PCDH15: variants seen among roughly 807,000 people sequenced by gnomAD.
PCDH15 encodes the protein protocadherin-15.
A neutral mutation model predicts 178.5 loss-of-function variants in PCDH15; 129 were observed. The observed-to-expected ratio is 0.72, with a 90% confidence interval of 0.63 to 0.84. PCDH15 has a LOEUF of 0.84. Among genes scored for constraint, PCDH15 ranks in the 40% least tolerant of loss-of-function variants. The probability of loss-of-function intolerance (pLI) is 0.00; values close to 1 mark genes in which losing one functional copy is unlikely to be tolerated. For missense variants in PCDH15, 2,230 were observed against 2,099.9 expected (o/e 1.06, Z -1.21); for synonymous variants, 800 against 732.0 (o/e 1.09, Z -1.50).
chr10:54,629,028 C>T (rs1020526855), intron 2 of PCDH15, among the ~76,000 whole-genome samples: 5 of 151,980 alleles, frequency 3.3e-5, no homozygotes, highest in Admixed American at 1.3e-4. Flanking sequence ...TCCTAGAAAG[C>T]TTATGACAAA....
At chr10:54,277,618 C>A (rs1422653360) in intron 8 of PCDH15, among the ~76,000 whole-genome samples, 3 of 151,582 alleles carry the variant, frequency 2.0e-5, no homozygotes, top group Admixed American at 6.6e-5. Context: ...ACCCGAAATT[C>A]AAATTTAACT....
chr10:54,195,637 A>G, intron 11 of PCDH15, 46 bp downstream of exon 11: 1 of 1,477,454 alleles, frequency 6.8e-7, no homozygotes, highest in East Asian at 2.3e-5. Flanking sequence ...TAATGGAAAT[A>G]TGAGATTTGT....
chr10:54,430,320 GT>G lies in PCDH15; in HGVS notation c.158-51379del, dbSNP rs200534644. On this transcript the variant is annotated intron_variant, in intron 3 of 37. Transcript: ENST00000644397. ...TCCGCCAGCCTCAGCCTACCAAAGTGTTTGGATTACAGGCGTGAGCCACCAC... is the reference window on the plus strand; with the variant it reads ...TCCGCCAGCCTCAGCCTACCAAAGTGTTGGATTACAGGCGTGAGCCACCAC... 4.9e-3 allele frequency among the ~76,000 whole-genome samples: 740 copies of G among 152,078 alleles called. 8 individuals are homozygous for G. Among genetic ancestry groups the G allele is most frequent in the African/African-American group, 0.017 (687 of 41,494 alleles).
intron 2 of PCDH15, among the ~76,000 whole-genome samples, chr10:54,573,882 T>C (rs2090146802): frequency 6.6e-6 from 1 of 152,142 alleles, no homozygotes; most frequent in Admixed American, 6.6e-5. Context: ...AATCCTTTAT[T>C]TAAAAAAAAT....
At chr10:54,143,878 T>A (rs900020978) in intron 14 of PCDH15, among the ~76,000 whole-genome samples, 1 of 152,140 alleles carries the variant, frequency 6.6e-6, no homozygotes, top group African/African-American at 2.4e-5. Context: ...TTTTCTTGTA[T>A]AATGGGACAC....
At chr10:55,619,700 C>T (rs1383736285) in intron 2 of PCDH15, among the ~76,000 whole-genome samples, 3 of 151,730 alleles carry the variant, frequency 2.0e-5, no homozygotes, top group Admixed American at 2.0e-4. Context: ...TAGCTTGTAG[C>T]TATTTTGAGC....
intron 8 of PCDH15, among the ~76,000 whole-genome samples, chr10:54,280,066 CT>C (rs1382971695): frequency 6.6e-6 from 1 of 151,628 alleles, no homozygotes; most frequent in Non-Finnish European, 1.5e-5. Flanking sequence ...TGGGTTCAAA[CT>C]TTTTATTCCC....
intron 2 of PCDH15, among the ~76,000 whole-genome samples, chr10:54,897,893 A>T (rs1401032150): frequency 6.6e-6 from 1 of 152,174 alleles, no homozygotes; most frequent in African/African-American, 2.4e-5. Context: ...AATATAACTG[A>T]ATATATTTGA....
intron 1 of PCDH15, among the ~76,000 whole-genome samples, chr10:55,184,719 G>A (rs1037284464): frequency 6.6e-6 from 1 of 151,900 alleles, no homozygotes; most frequent in Non-Finnish European, 1.5e-5. Flanking sequence ...CATTTGGGAA[G>A]CATGATATTT....
intron 26 of PCDH15, among the ~76,000 whole-genome samples, chr10:53,878,419 G>T (rs994464077): frequency 6.9e-4 from 63 of 91,236 alleles, no homozygotes; most frequent in African/African-American, 1.9e-3. Context: ...GTACACACAC[G>T]TTGAATATAT....
intron 25 of PCDH15, among the ~76,000 whole-genome samples, chr10:53,927,348 T>C (rs2084654116): frequency 1.3e-5 from 2 of 152,314 alleles, no homozygotes; most frequent in Non-Finnish European, 2.9e-5. Flanking sequence ...CTAAATTCCA[T>C]TGTTTGCCCA....
At chr10:53,808,320 G>GTA (rs1491552756) in intron 37 of PCDH15, 1 of 112,460 alleles carries the variant, frequency 8.9e-6, no homozygotes, top group African/African-American at 3.5e-5. Flanking sequence ...AACATATATA[G>GTA]TGTGTGTGTG....
Position 54,767,780 on chromosome 10 carries a change from T to C in PCDH15, c.-29+33145A>G, listed in dbSNP as rs187879435. 4.7e-4 allele frequency among the ~76,000 whole-genome samples: 71 copies of C among 152,266 alleles called. No individual in the cohort carries two copies. In the East Asian group the frequency reaches 9.1e-3, roughly 19 times the overall value. ...TGTATTCTACAATATCTGACTAGCATGCCTCAATACTGTCAAGGTCATCAA... is the reference window on the plus strand; with the variant it reads ...TGTATTCTACAATATCTGACTAGCACGCCTCAATACTGTCAAGGTCATCAA... On this transcript the variant is annotated intron_variant, in intron 1 of 37. Transcript: ENST00000644397.
At chr10:55,489,345 C>T (rs990143491) in intron 2 of PCDH15, among the ~76,000 whole-genome samples, 4 of 151,504 alleles carry the variant, frequency 2.6e-5, no homozygotes, top group African/African-American at 9.7e-5. Flanking sequence ...AGAAAATTAC[C>T]TCTGTCTTAA....
chr10:54,219,268 T>C (rs370662860), intron 9 of PCDH15, among the ~76,000 whole-genome samples: 1,085 of 105,662 alleles, frequency 0.01, 19 homozygotes, highest in African/African-American at 0.035. Context: ...GAGCGAGACT[T>C]TGTCTCAAAA....
chr10:54,344,234 G>T (rs1185781451), intron 6 of PCDH15, among the ~76,000 whole-genome samples: 2 of 152,074 alleles, frequency 1.3e-5, no homozygotes, highest in African/African-American at 4.8e-5. Flanking sequence ...GAGCATTTTA[G>T]CTTGCTAAAA....
At chr10:55,215,252 A>G (rs1021377707) in intron 1 of PCDH15, among the ~76,000 whole-genome samples, 6 of 152,232 alleles carry the variant, frequency 3.9e-5, no homozygotes, top group Admixed American at 2.0e-4. Context: ...AAAATTGAAG[A>G]AAGGCAGAGA....
In PCDH15 at chr10:55,257,425, G is replaced by T. The variant is rs530705829; in HGVS notation, c.-156+62174C>A. Among the ~76,000 whole-genome samples the T allele has an allele frequency of 1.1e-4, 16 of 152,124 alleles. No individual in the cohort carries two copies. The South Asian group carries it at 2.7e-3, about 26-fold the overall frequency. On this transcript the variant is annotated intron_variant, in intron 1 of 5. Coordinates refer to the PCDH15 transcript ENST00000458638. ...AGGCTTCAGACGATCAAACTACTCT[G>T]AGCTAAAGGAGGAAGTTCGAACCCA...
intron 1 of PCDH15, among the ~76,000 whole-genome samples, chr10:54,800,619 A>C (rs569491614): frequency 2.0e-5 from 3 of 152,316 alleles, no homozygotes; most frequent in African/African-American, 7.2e-5. Context: ...GAGGACTAAA[A>C]ATTCTTTTAA....
Sources: gnomAD v4.1 joint callset for allele counts (sites outside exome capture counted in the v4.1 genomes callset) on GRCh38, gnomAD v4.1.1 for gene constraint, MANE v1.5 for transcripts, NCBI Gene and HGNC (gene_info 2026-07-23, HGNC 2026-07-21) for gene names.